The following KCND2 variants were observed in gnomAD, a reference collection of about 807,000 sequenced individuals.
KCND2 encodes potassium voltage-gated channel subfamily D member 2.
Under a neutral mutation model 54.4 loss-of-function variants are expected in KCND2, and 16 were observed. That is an observed-to-expected ratio of 0.29 (90% confidence interval 0.20 to 0.45). The LOEUF is 0.45. Ranked by LOEUF, KCND2 falls within the 20% of genes least tolerant of loss-of-function variation. The pLI is 1.00. For missense variants in KCND2, 486 were observed against 824.2 expected (o/e 0.59, Z 5.02); for synonymous variants, 317 against 310.7 (o/e 1.02, Z -0.21).
intron 1 of KCND2, among the ~76,000 whole-genome samples, chr7:120,344,665 C>T (rs1229034539): frequency 1.3e-5 from 2 of 152,178 alleles, no homozygotes; most frequent in East Asian, 3.9e-4. Context: ...GCACTCAAGT[C>T]AACAAAGAAA....
chr7:120,643,384 T>A (rs1197925168), intron 1 of KCND2, among the ~76,000 whole-genome samples: 2 of 152,122 alleles, frequency 1.3e-5, no homozygotes, highest in Middle Eastern at 3.2e-3. Context: ...CTTCCATATG[T>A]TTTTAAAAAC....
At chr7:120,506,694 AT>A (rs1182238191) in intron 1 of KCND2, among the ~76,000 whole-genome samples, 1 of 151,924 alleles carries the variant, frequency 6.6e-6, no homozygotes, top group Non-Finnish European at 1.5e-5. Context: ...CAATTCCCTA[AT>A]TCATTTGTTA....
At position 120,641,999 on chromosome 7, in the gene KCND2, G is replaced by A. The variant is rs1000689282; in HGVS notation, c.1116-90904G>A. Among the ~76,000 whole-genome samples the A allele has an allele frequency of 3.3e-5, 5 of 151,934 alleles. No individual in the cohort carries two copies. The East Asian group carries it at 9.6e-4, about 29-fold the overall frequency. On this transcript the variant is annotated intron_variant, in intron 1 of 5. Transcript: ENST00000331113. ...ATGGTTGTTAGGATTTTGATGCCTA[G>A]TTTAAGTTCACATAACAAAAATATT... is the stretch of plus-strand genomic sequence containing the variant.
At chr7:120,636,188 T>C (rs994102681) in intron 1 of KCND2, among the ~76,000 whole-genome samples, 7 of 152,152 alleles carry the variant, frequency 4.6e-5, no homozygotes, top group Admixed American at 4.6e-4. Context: ...TCAAAACTTA[T>C]GTGTTAGAGA....
intron 1 of KCND2, among the ~76,000 whole-genome samples, chr7:120,352,036 T>C (rs537543828): frequency 1.3e-5 from 2 of 152,118 alleles, no homozygotes; most frequent in South Asian, 4.1e-4. Flanking sequence ...GGTCTCAATC[T>C]CTTGACCTCG....
chr7:120,668,758 T>C (rs968612681), intron 1 of KCND2, among the ~76,000 whole-genome samples: 2 of 152,050 alleles, frequency 1.3e-5, no homozygotes, highest in African/African-American at 4.8e-5. Context: ...AGGAAACCAT[T>C]AGATGATACA....
intron 1 of KCND2, among the ~76,000 whole-genome samples, chr7:120,317,060 C>G (rs1373054318): frequency 1.3e-5 from 2 of 152,100 alleles, no homozygotes; most frequent in African/African-American, 4.8e-5. Flanking sequence ...TGGTCTTGAT[C>G]TCCTGACCTC....
chr7:120,484,701 G>GCA (rs3067134), intron 1 of KCND2, among the ~76,000 whole-genome samples: 9,040 of 137,502 alleles, frequency 0.066, 498 homozygotes, highest in African/African-American at 0.16. Context: ...TATATTACAC[G>GCA]CACACACACA....
In KCND2 at chr7:120,274,653, G is replaced by A. The variant is rs369141117; in HGVS notation, c.21G>A (p.Ala7=). 1.9e-6 allele frequency: 3 copies of A among 1,613,898 alleles called. No individual in the cohort carries two copies. Among genetic ancestry groups the A allele is most frequent in the Non-Finnish European group, 2.5e-6 (3 of 1,179,998 alleles). Residue 7 remains alanine (A), a synonymous_variant, in exon 1 of 6, where the codon GCG becomes GCA. Coordinates refer to ENST00000331113, the MANE Select transcript of KCND2 (RefSeq NM_012281.3). MAAGVA[A]WLPFARAAAI... ...TAATCATGGCGGCGGGGGTGGCAGCGTGGCTGCCTTTTGCAAGGGCAGCGG... is the reference window on the plus strand; with the variant it reads ...TAATCATGGCGGCGGGGGTGGCAGCATGGCTGCCTTTTGCAAGGGCAGCGG...
intron 1 of KCND2, among the ~76,000 whole-genome samples, chr7:120,471,573 G>C (rs1398758188): frequency 6.6e-6 from 1 of 152,002 alleles, no homozygotes; most frequent in Non-Finnish European, 1.5e-5. Flanking sequence ...ACAGAAATTT[G>C]AGCTCTTTAC....
At chr7:120,719,677 A>T (rs548144474) in intron 1 of KCND2, among the ~76,000 whole-genome samples, 192 of 152,134 alleles carry the variant, frequency 1.3e-3, no homozygotes, top group African/African-American at 4.0e-3. Flanking sequence ...TAGCATGATT[A>T]AAAAAACGCC....
intron 1 of KCND2, among the ~76,000 whole-genome samples, chr7:120,309,471 A>ATATATATATATG (rs1554425433): frequency 8.1e-6 from 1 of 123,986 alleles, no homozygotes; most frequent in Non-Finnish European, 1.7e-5. Flanking sequence ...ATATATATAT[A>ATATATATATATG]TATACACACA....
At position 120,523,702 on chromosome 7, in the gene KCND2, C is replaced by CACTGTGTGTGTG. The variant is rs1491350289; in HGVS notation, c.1116-209201_1116-209200insACTGTGTGTGTG. On this transcript the variant is annotated intron_variant, in intron 1 of 5. Transcript: ENST00000331113. Reference sequence around the variant, plus strand: ...ATACACAGATATACACACACACACACTCTGTGTGTGTGTGTGTGTGTGTGT... The same window carrying CACTGTGTGTGTG: ...ATACACAGATATACACACACACACACACTGTGTGTGTGTCTGTGTGTGTGTGTGTGTGTGTGT... 5.8e-4 allele frequency among the ~76,000 whole-genome samples: 64 copies of CACTGTGTGTGTG among 111,020 alleles called. 1 individual carries two copies. Among genetic ancestry groups the CACTGTGTGTGTG allele is most frequent in the African/African-American group, 2.6e-3 (60 of 23,092 alleles). 72.8% of individuals were successfully genotyped at this position (111,020 alleles called of 152,430 possible). A position where few individuals can be genotyped will look rare whatever the true frequency, so the allele number is the denominator to read the frequency against.
At chr7:120,450,201 A>G (rs1802081988) in intron 1 of KCND2, among the ~76,000 whole-genome samples, 1 of 152,180 alleles carries the variant, frequency 6.6e-6, no homozygotes, top group Non-Finnish European at 1.5e-5. Flanking sequence ...TCATGAGGTC[A>G]AGAGATCGAG....
intron 1 of KCND2, among the ~76,000 whole-genome samples, chr7:120,705,379 G>A (rs1407679042): frequency 6.6e-6 from 1 of 152,134 alleles, no homozygotes; most frequent in East Asian, 1.9e-4. Flanking sequence ...TGTAGACATT[G>A]ACAGGCAACA....
chr7:120,323,570 T>C (rs1799927745), intron 1 of KCND2, among the ~76,000 whole-genome samples: 3 of 150,524 alleles, frequency 2.0e-5, no homozygotes, highest in Admixed American at 6.6e-5. Flanking sequence ...GTCCTTGCGA[T>C]AGTTTACTGA....
intron 1 of KCND2, among the ~76,000 whole-genome samples, chr7:120,407,205 C>T (rs977384275): frequency 2.6e-5 from 4 of 151,908 alleles, no homozygotes; most frequent in Middle Eastern, 3.2e-3. Context: ...CATCCCACAG[C>T]GTAGATGTGT....
chr7:120,728,282 C>CT lies in KCND2; in HGVS notation c.1116-4604dup, dbSNP rs758218585. ...TATATTCTCTTGTTTCGTTCTTCTTCTTTTTTTTTTTTTTTTTAAAAATTT... is the reference window on the plus strand; with the variant it reads ...TATATTCTCTTGTTTCGTTCTTCTTCTTTTTTTTTTTTTTTTTTAAAAATTT... On this transcript the variant is annotated intron_variant, in intron 1 of 5. Transcript: ENST00000331113. Among the ~76,000 whole-genome samples the CT allele has an allele frequency of 3.4e-3, 473 of 138,860 alleles. 1 individual carries two copies. The highest frequency in any genetic ancestry group is 7.8e-3 in the Middle Eastern group (2 of 256). 91.1% of individuals were successfully genotyped at this position (138,860 alleles called of 152,430 possible).
At chr7:120,681,305 GC>G (rs1792135387) in intron 1 of KCND2, among the ~76,000 whole-genome samples, 1 of 151,944 alleles carries the variant, frequency 6.6e-6, no homozygotes, top group Non-Finnish European at 1.5e-5. Flanking sequence ...TATAGGGATG[GC>G]ATAAATGGAT....
Sources: allele counts gnomAD v4.1 joint callset (sites outside exome capture counted in the v4.1 genomes callset), GRCh38; gene constraint gnomAD v4.1.1; transcripts MANE v1.5; gene names NCBI Gene and HGNC (gene_info 2026-07-23, HGNC 2026-07-21).